Variants in PHACTR1 observed in about 807,000 individuals in gnomAD.
PHACTR1 encodes the protein RPEL repeat containing 1.
A neutral mutation model predicts 69.2 loss-of-function variants in PHACTR1; 16 were observed. The observed-to-expected ratio is 0.23, with a 90% CI of 0.16 to 0.35. The LOEUF (loss-of-function observed/expected upper bound fraction) is 0.35. PHACTR1 is among the 10% of genes least tolerant of loss of function. The pLI is 1.00. For synonymous variants in PHACTR1, 312 were observed against 284.5 expected, an observed-to-expected ratio of 1.10 and a Z score of -0.97; for missense variants, 510 against 734.7, an observed-to-expected ratio of 0.69 and a Z score of 3.54.
chr6:12,799,939 A>G (rs1177460496), intron 4 of PHACTR1, among the ~76,000 whole-genome samples: 2 of 152,226 alleles, frequency 1.3e-5, no homozygotes, highest in African/African-American at 4.8e-5. Flanking sequence ...TTTTGCAATT[A>G]CAAAAAGTTT....
At chr6:12,891,295 A>G (rs1784148514) in intron 4 of PHACTR1, among the ~76,000 whole-genome samples, 1 of 152,142 alleles carries the variant, frequency 6.6e-6, no homozygotes, top group Non-Finnish European at 1.5e-5. Flanking sequence ...AACATGCTAA[A>G]GTGGGTAACA....
chr6:12,762,863 C>T (rs1375974117), intron 4 of PHACTR1, among the ~76,000 whole-genome samples: 2 of 152,066 alleles, frequency 1.3e-5, no homozygotes, highest in Non-Finnish European at 2.9e-5. Flanking sequence ...AAAGATTTGC[C>T]CTTGTTTCTC....
At chr6:12,773,719 G>C (rs1769682866) in intron 4 of PHACTR1, among the ~76,000 whole-genome samples, 2 of 152,068 alleles carry the variant, frequency 1.3e-5, no homozygotes, top group South Asian at 4.1e-4. Flanking sequence ...AAAACCACAT[G>C]GATGTTTCAC....
rs144366002 is a variant in PHACTR1 at position 12,778,303 on chromosome 6, CTAATT to C, written c.250+28518_250+28522del. ...ATCACTTAAAATCAAGTTAACAAAA[CTAATT>C]TAATGTGGCAGAAGATGTTGTTTGG... On this transcript the variant is annotated intron_variant, in intron 4 of 14. Transcript: ENST00000332995. Among the ~76,000 whole-genome samples the C allele has an allele frequency of 8.6e-3, 1,316 of 152,262 alleles. 20 individuals are homozygous for C. The highest frequency in any genetic ancestry group is 0.03 in the African/African-American group (1,235 of 41,554).
chr6:13,097,306 C>A (rs1814419566), intron 5 of PHACTR1, among the ~76,000 whole-genome samples: 1 of 152,232 alleles, frequency 6.6e-6, no homozygotes, highest in Admixed American at 6.5e-5. Flanking sequence ...AAACATTATT[C>A]TTGTTGATGC....
rs1418006667 is a variant in PHACTR1 at position 12,777,602 on chromosome 6, T to C, written c.250+27812T>C. On this transcript the variant is annotated intron_variant, in intron 4 of 14. Transcript: ENST00000332995. ...TATGGCTGCATAATATTCCATGGTG[T>C]ATATATACCACCCTTTCTTCTTCTT... Among the ~76,000 whole-genome samples, 6 of 150,814 alleles carry C rather than the reference T, an allele frequency of 4.0e-5. No homozygotes were observed. In the East Asian group the frequency reaches 1.2e-3, roughly 29 times the overall value.
chr6:13,126,165 CTGTG>C (rs1819506165), intron 5 of PHACTR1, among the ~76,000 whole-genome samples: 3 of 152,180 alleles, frequency 2.0e-5, no homozygotes, highest in Admixed American at 2.0e-4. Flanking sequence ...ACTGAATTGG[CTGTG>C]TGTGAGTGTG....
chr6:12,934,857 A>G (rs1789266130), intron 4 of PHACTR1, among the ~76,000 whole-genome samples: 1 of 152,040 alleles, frequency 6.6e-6, no homozygotes, highest in Non-Finnish European at 1.5e-5. Flanking sequence ...CAAAAAAAAA[A>G]AACTTTAATG....
intron 4 of PHACTR1, among the ~76,000 whole-genome samples, chr6:12,931,579 T>G (rs573556900): frequency 6.6e-6 from 1 of 152,168 alleles, no homozygotes; most frequent in South Asian, 2.1e-4. Context: ...CAAATACATT[T>G]TTTAAGTCTG....
chr6:12,917,893 A>T (rs938255336), intron 4 of PHACTR1, among the ~76,000 whole-genome samples: 8 of 152,178 alleles, frequency 5.3e-5, no homozygotes, highest in African/African-American at 1.4e-4. Flanking sequence ...GGTGACTGGA[A>T]ATTCAGGCAC....
chr6:12,741,008 G>T (rs2127585001), intron 3 of PHACTR1, among the ~76,000 whole-genome samples: 1 of 151,166 alleles, frequency 6.6e-6, no homozygotes, highest in East Asian at 2.0e-4. Flanking sequence ...TCCTTGACCT[G>T]CTTTTATCCT....
intron 4 of PHACTR1, among the ~76,000 whole-genome samples, chr6:12,894,205 G>A (rs1784427830): frequency 6.6e-6 from 1 of 152,142 alleles, no homozygotes; most frequent in African/African-American, 2.4e-5. Flanking sequence ...AAAGCAAGTG[G>A]ACAAAAGCAA....
chr6:13,078,388 A>G (rs1162786648), intron 5 of PHACTR1, among the ~76,000 whole-genome samples: 2 of 151,926 alleles, frequency 1.3e-5, no homozygotes, highest in Non-Finnish European at 2.9e-5. Flanking sequence ...TTCCAACATG[A>G]CCTTATCTTA....
At chr6:12,883,549 A>G (rs1309639633) in intron 4 of PHACTR1, among the ~76,000 whole-genome samples, 2 of 151,384 alleles carry the variant, frequency 1.3e-5, no homozygotes, top group Non-Finnish European at 2.9e-5. Flanking sequence ...AGAAAGTCTG[A>G]AAAAATAAAA....
chr6:12,965,344 T>A (rs1793311495), intron 4 of PHACTR1, among the ~76,000 whole-genome samples: 1 of 152,268 alleles, frequency 6.6e-6, no homozygotes, highest in Admixed American at 6.5e-5. Flanking sequence ...TTCACAGACA[T>A]GTGCAGAGCA....
At chr6:12,796,055 CA>C (rs1309957062) in intron 4 of PHACTR1, among the ~76,000 whole-genome samples, 1 of 151,982 alleles carries the variant, frequency 6.6e-6, no homozygotes, top group Non-Finnish European at 1.5e-5. Context: ...TTGCCAAAAC[CA>C]ACGAAATTGT....
At chr6:13,133,768 G>A (rs1820971091) in intron 5 of PHACTR1, among the ~76,000 whole-genome samples, 1 of 151,936 alleles carries the variant, frequency 6.6e-6, no homozygotes, top group African/African-American at 2.4e-5. Flanking sequence ...CGTCTGGGAT[G>A]TGAGGAGCCC....
intron 4 of PHACTR1, among the ~76,000 whole-genome samples, chr6:12,909,695 G>A (rs1786152257): frequency 6.6e-6 from 1 of 152,198 alleles, no homozygotes. Flanking sequence ...GCCAAGTGGA[G>A]TCTTCATGAG....
intron 4 of PHACTR1, among the ~76,000 whole-genome samples, chr6:13,051,403 C>A (rs898082059): frequency 6.6e-6 from 1 of 152,186 alleles, no homozygotes; most frequent in African/African-American, 2.4e-5. Flanking sequence ...TCCCTCTGCT[C>A]AGAGGATGAA....
Sources: allele counts gnomAD v4.1 joint callset (sites outside exome capture counted in the v4.1 genomes callset), GRCh38; gene constraint gnomAD v4.1.1; transcripts MANE v1.5; gene names NCBI Gene and HGNC (gene_info 2026-07-23, HGNC 2026-07-21).